E2F5: variants seen among roughly 807,000 people sequenced by gnomAD.
E2F5 encodes the protein E2F transcription factor 5, also known as transcription factor E2F5.
A neutral mutation model predicts 39.1 loss-of-function variants in E2F5; 23 were observed. The ratio of observed to expected loss-of-function variants is 0.59; its 90% confidence interval spans 0.42 to 0.83. The LOEUF (loss-of-function observed/expected upper bound fraction) is 0.83. Ranked by LOEUF, E2F5 falls within the 40% of genes least tolerant of loss-of-function variation. E2F5 has a pLI of 0.00. For synonymous variants in E2F5, 145 were observed against 157.8 expected (o/e 0.92, Z 0.61); for missense variants, 365 against 406.7 (o/e 0.90, Z 0.88).
At chr8:85,185,053 A>G (rs1210350082) in intron 1 of E2F5, among the ~76,000 whole-genome samples, 3 of 152,256 alleles carry the variant, frequency 2.0e-5, no homozygotes, top group South Asian at 4.1e-4. Context: ...CTGCATAGCC[A>G]AGACAATCTT....
At chr8:85,184,609 A>G (rs1812289039) in intron 1 of E2F5, among the ~76,000 whole-genome samples, 2 of 152,250 alleles carry the variant, frequency 1.3e-5, no homozygotes. Flanking sequence ...TTGTATATTT[A>G]GAAAACCCCA....
chr8:85,197,750 A>G (rs970668020), intron 1 of E2F5, among the ~76,000 whole-genome samples: 2 of 152,232 alleles, frequency 1.3e-5, no homozygotes, highest in Admixed American at 1.3e-4. Flanking sequence ...AATGTGATTA[A>G]GAAATATATA....
intron 1 of E2F5, among the ~76,000 whole-genome samples, chr8:85,186,445 T>A (rs914521391): frequency 6.6e-6 from 1 of 151,784 alleles, no homozygotes; most frequent in Non-Finnish European, 1.5e-5. Context: ...CCATGGCACA[T>A]GTATACCTAT....
At chr8:85,179,548 T>C (rs1812154476) in intron 1 of E2F5, among the ~76,000 whole-genome samples, 1 of 152,198 alleles carries the variant, frequency 6.6e-6, no homozygotes, top group African/African-American at 2.4e-5. Flanking sequence ...TTCATACTCC[T>C]AGAAAAGAGT....
At chr8:85,178,703 T>C (rs1042353669) in intron 1 of E2F5, among the ~76,000 whole-genome samples, 1 of 152,176 alleles carries the variant, frequency 6.6e-6, no homozygotes, top group Non-Finnish European at 1.5e-5. Flanking sequence ...CTTGAGAGTG[T>C]CACTGCATCC....
Position 85,209,366 on chromosome 8 carries a change from A to G in E2F5, c.840A>G (p.Arg280=), listed in dbSNP as rs950621008. ...QNLPEQHVSE[R]SQALQQTSAT... is the part of the protein sequence containing the mutation. ...TGCCTGAGCAACATGTCTCTGAAAG[A>G]AGCCAGGCTCTGCAGCAGACATCAG... Residue 280 remains arginine (R), a synonymous_variant, in exon 6 of 8, where the codon AGA becomes AGG. Transcript: ENST00000416274. The G allele has an allele frequency of 1.9e-6, 3 of 1,613,580 alleles. No homozygotes were observed. Among genetic ancestry groups the G allele is most frequent in the African/African-American group, 2.7e-5 (2 of 74,926 alleles).
intron 1 of E2F5, among the ~76,000 whole-genome samples, chr8:85,188,920 T>G (rs4150879): frequency 0.035 from 5,260 of 152,222 alleles, 284 homozygotes; most frequent in African/African-American, 0.12. Flanking sequence ...TTTCTTATTA[T>G]TGTGCTGCAA....
Position 85,206,219 on chromosome 8 carries a change from T to A in E2F5, c.549T>A (p.Asn183Lys), listed in dbSNP as rs202172071. 8.7e-6 allele frequency: 14 copies of A among 1,613,026 alleles called. No individual in the cohort carries two copies. In the African/African-American group the frequency reaches 1.2e-4, roughly 14 times the overall value. ...VTHEDICNCF[N>K]GDTLLAIQAP... ...ATGAAGACATCTGTAATTGCTTTAATGGTAAGTACCATTAGACTTTTCCTT... is the reference window on the plus strand; with the variant it reads ...ATGAAGACATCTGTAATTGCTTTAAAGGTAAGTACCATTAGACTTTTCCTT... The change falls in exon 4 of 8, where the codon AAT becomes AAA. Residue 183 changes from asparagine to lysine, a missense_variant and splice_region_variant. Coordinates refer to ENST00000416274, the MANE Select transcript of E2F5 (RefSeq NM_001951.4).
intron 1 of E2F5, among the ~76,000 whole-genome samples, chr8:85,193,645 A>G (rs181666599): frequency 4.2e-4 from 64 of 152,166 alleles, no homozygotes; most frequent in African/African-American, 1.5e-3. Flanking sequence ...CCTCAACTTC[A>G]TCCTCAATCC....
chr8:85,181,657 A>G (rs985080862), intron 1 of E2F5, among the ~76,000 whole-genome samples: 6 of 147,058 alleles, frequency 4.1e-5, no homozygotes, highest in Non-Finnish European at 6.0e-5. Flanking sequence ...TTAATAATAT[A>G]ACTAATTGAA....
rs1306580097 is a variant in E2F5 at position 85,214,013 on chromosome 8, A to G, written c.*151A>G. On this transcript the variant is annotated 3_prime_UTR_variant, in exon 8 of 8. Transcript: ENST00000416274. The stretch of plus-strand genomic sequence containing the variant: ...TCCCTAATACTTTCTTTACTTCACA[A>G]AACTTCAACCATAAAAACAAAGGGC... 1 of 607,600 alleles carries G rather than the reference A, an allele frequency of 1.6e-6. No homozygotes were observed. Among genetic ancestry groups the G allele is most frequent in the Non-Finnish European group, 2.9e-6 (1 of 347,442 alleles). 37.6% of individuals were successfully genotyped at this position (607,600 alleles called of 1,614,324 possible).
chr8:85,180,656 C>G (rs2136038117), intron 1 of E2F5, among the ~76,000 whole-genome samples: 1 of 136,150 alleles, frequency 7.3e-6, no homozygotes, highest in Non-Finnish European at 1.6e-5. Context: ...CGGCTCACTG[C>G]AAGCTCCGCC....
At chr8:85,186,821 T>G (rs1358021209) in intron 1 of E2F5, among the ~76,000 whole-genome samples, 1 of 148,182 alleles carries the variant, frequency 6.7e-6, no homozygotes, top group African/African-American at 2.5e-5. Context: ...AAGGTGTATA[T>G]ATATGGTATA....
At chr8:85,197,743 G>A (rs1288146015) in intron 1 of E2F5, among the ~76,000 whole-genome samples, 1 of 152,146 alleles carries the variant, frequency 6.6e-6, no homozygotes, top group African/African-American at 2.4e-5. Context: ...TAAAGTAAAT[G>A]TGATTAAGAA....
chr8:85,184,443 C>T (rs1007931022), intron 1 of E2F5, among the ~76,000 whole-genome samples: 7 of 152,150 alleles, frequency 4.6e-5, no homozygotes, highest in South Asian at 2.1e-4. Flanking sequence ...GCATTCCCTT[C>T]GAAAACCAGT....
At chr8:85,208,153 A>G (rs541500195) in intron 5 of E2F5, among the ~76,000 whole-genome samples, 4 of 152,252 alleles carry the variant, frequency 2.6e-5, no homozygotes, top group African/African-American at 7.2e-5. Context: ...ACATGGTGAA[A>G]CCCCATCTCT....
At chr8:85,191,456 G>C (rs1480703998) in intron 1 of E2F5, among the ~76,000 whole-genome samples, 1 of 152,144 alleles carries the variant, frequency 6.6e-6, no homozygotes, top group East Asian at 1.9e-4. Flanking sequence ...AAAATGATCA[G>C]TATGTGAGAT....
Position 85,177,278 on chromosome 8 carries a change from T to G in E2F5, c.-143T>G. 4 of 656,394 alleles carry G rather than the reference T, an allele frequency of 6.1e-6. No individual in the cohort carries two copies. Among genetic ancestry groups the G allele is most frequent in the Non-Finnish European group, 7.6e-6 (4 of 529,126 alleles). 40.7% of individuals were successfully genotyped at this position (656,394 alleles called of 1,614,324 possible). ...GACTCCCGTGGGCGCCGCACACCTG[T>G]TGTTTGCAGCAGCCAGCGACCCGCA... On this transcript the variant is annotated 5_prime_UTR_variant, in exon 1 of 8. Transcript: ENST00000416274.
chr8:85,207,275 A>T lies in E2F5; in HGVS notation c.551-150A>T. On this transcript the variant is annotated intron_variant, in intron 4 of 7. Transcript: ENST00000416274. ...AATAAATCTATGCAGTAGGTTGTGT[A>T]TCCCCCATTTTATAGAATTGAAAAT... 11 of 598,862 alleles carry T rather than the reference A, an allele frequency of 1.8e-5. No homozygotes were observed. The South Asian group carries it at 2.4e-4, about 13-fold the overall frequency. The allele number at this position is 598,862 out of a possible 1,614,324, so 37.1% of individuals were successfully genotyped here. A position where few individuals can be genotyped will look rare whatever the true frequency, so the allele number is the denominator to read the frequency against.
Sources: gnomAD v4.1 joint callset for allele counts (sites outside exome capture counted in the v4.1 genomes callset) on GRCh38, gnomAD v4.1.1 for gene constraint, MANE v1.5 for transcripts, NCBI Gene and HGNC (gene_info 2026-07-23, HGNC 2026-07-21) for gene names.